The following TYW1B variants were observed in gnomAD, a reference collection of about 807,000 sequenced individuals.
TYW1B encodes tRNA-yW synthesizing protein 1 homolog B.
In TYW1B, 73 loss-of-function variants were observed where a neutral mutation model predicts 86.9. The observed-to-expected ratio is 0.84, with a 90% CI of 0.70 to 1.02. TYW1B has a LOEUF of 1.02. Among genes scored for constraint, TYW1B ranks in the 50% least tolerant of loss-of-function variants. The pLI, the probability that TYW1B is intolerant of heterozygous loss-of-function variation, is 0.00. For synonymous variants in TYW1B, 248 were observed against 292.8 expected (o/e 0.85, Z 1.56); for missense variants, 637 against 827.4 (o/e 0.77, Z 2.82).
intron 6 of TYW1B, among the ~76,000 whole-genome samples, chr7:72,779,901 A>C (rs1788022120): frequency 6.6e-6 from 1 of 151,246 alleles, no homozygotes; most frequent in African/African-American, 2.4e-5. Context: ...TATCTGTCCT[A>C]AAAGTCAGCA....
chr7:72,673,212 G>A lies in TYW1B; in HGVS notation c.1506+21475C>T, dbSNP rs145304490. On this transcript the variant is annotated intron_variant, in intron 11 of 13. Transcript: ENST00000620995. ...AAATAACTACAGGTTTTGAAGTAAG[G>A]CATTAGAGAAGTTTATATACTACAT... 6.0e-3 allele frequency among the ~76,000 whole-genome samples: 908 copies of A among 152,228 alleles called. 8 individuals are homozygous for A. Among genetic ancestry groups the A allele is most frequent in the African/African-American group, 0.021 (863 of 41,532 alleles).
At chr7:72,791,468 G>A (rs1197200255) in intron 6 of TYW1B, among the ~76,000 whole-genome samples, 3 of 151,940 alleles carry the variant, frequency 2.0e-5, no homozygotes, top group Non-Finnish European at 4.4e-5. Flanking sequence ...AGGACAATGG[G>A]AGCCTTGGAC....
At chr7:72,669,621 G>T (rs1483875918) in intron 11 of TYW1B, among the ~76,000 whole-genome samples, 2 of 151,912 alleles carry the variant, frequency 1.3e-5, no homozygotes, top group African/African-American at 4.8e-5. Context: ...AATCAGCCAG[G>T]CATGGTGGCA....
At chr7:72,711,829 C>T (rs1352653025) in intron 10 of TYW1B, among the ~76,000 whole-genome samples, 2 of 144,268 alleles carry the variant, frequency 1.4e-5, no homozygotes, top group African/African-American at 5.2e-5. Flanking sequence ...CCAGTGTTTA[C>T]GAAACAAACT....
At chr7:72,738,939 G>C (rs556080235) in intron 8 of TYW1B, among the ~76,000 whole-genome samples, 197 of 151,904 alleles carry the variant, frequency 1.3e-3, no homozygotes, top group African/African-American at 4.3e-3. Context: ...ATAATAAACT[G>C]GATAGGCATT....
At chr7:72,591,781 A>AT (rs1811400987) in intron 13 of TYW1B, among the ~76,000 whole-genome samples, 1 of 152,030 alleles carries the variant, frequency 6.6e-6, no homozygotes, top group Non-Finnish European at 1.5e-5. Flanking sequence ...TATAAAATTG[A>AT]TTGTTATAGC....
chr7:72,799,873 G>A (rs1258700365), intron 6 of TYW1B, among the ~76,000 whole-genome samples: 3 of 151,988 alleles, frequency 2.0e-5, no homozygotes, highest in African/African-American at 7.2e-5. Context: ...TTTTCCTTAT[G>A]GCCATATAAA....
intron 10 of TYW1B, among the ~76,000 whole-genome samples, chr7:72,702,491 G>C (rs1332393506): frequency 6.6e-6 from 1 of 152,096 alleles, no homozygotes; most frequent in Admixed American, 6.5e-5. Flanking sequence ...GGGTTCAAGC[G>C]ATTCTCTTGC....
In TYW1B at chr7:72,598,118, C is replaced by T. The variant is rs145497253; in HGVS notation, c.1785+18554G>A. Among the ~76,000 whole-genome samples, 609 of 152,238 alleles carry T rather than the reference C, an allele frequency of 4.0e-3. 5 individuals carry two copies. Among genetic ancestry groups the T allele is most frequent in the African/African-American group, 0.014 (576 of 41,540 alleles). Reference sequence around the variant, plus strand: ...AGAGATTAACATTTGAGTCAGTGGGCTGGGGAAGGCAGACCCACCCTTAAT... The same window carrying T: ...AGAGATTAACATTTGAGTCAGTGGGTTGGGGAAGGCAGACCCACCCTTAAT... On this transcript the variant is annotated intron_variant, in intron 13 of 13. Coordinates refer to ENST00000620995, the MANE Select transcript of TYW1B (RefSeq NM_001145440.3).
Position 72,575,300 on chromosome 7 carries a change from A to C in TYW1B, c.*198T>G. On this transcript the variant is annotated 3_prime_UTR_variant, in exon 14 of 14. Transcript: ENST00000620995. ...AAATCAGGAAAGGGGCTGAGTTCTG[A>C]AAAGAAACATCGGGGCTGTGGCCCA... 1.4e-6 allele frequency: 2 copies of C among 1,413,256 alleles called. No homozygotes were observed. The highest frequency in any genetic ancestry group is 3.3e-5 in the South Asian group (2 of 60,592). The allele number at this position is 1,413,256 out of a possible 1,614,324, so 87.5% of individuals were successfully genotyped here.
At chr7:72,753,114 G>T (rs975921552) in intron 7 of TYW1B, among the ~76,000 whole-genome samples, 1 of 150,240 alleles carries the variant, frequency 6.7e-6, no homozygotes, top group East Asian at 1.9e-4. Context: ...ATTCTTGGTT[G>T]ATTAAAAAAA....
intron 5 of TYW1B, among the ~76,000 whole-genome samples, chr7:72,804,045 G>A (rs1270371622): frequency 1.3e-5 from 2 of 151,946 alleles, no homozygotes; most frequent in South Asian, 2.1e-4. Flanking sequence ...AGCACTTTGG[G>A]AGGCCGAGGC....
At chr7:72,655,772 G>A (rs1554443527) in intron 11 of TYW1B, among the ~76,000 whole-genome samples, 3 of 152,150 alleles carry the variant, frequency 2.0e-5, no homozygotes, top group African/African-American at 4.8e-5. Flanking sequence ...CCCTGAAAAC[G>A]TGGTTTCTCT....
chr7:72,820,064 C>G (rs1301483786), intron 2 of TYW1B, among the ~76,000 whole-genome samples: 2 of 152,082 alleles, frequency 1.3e-5, no homozygotes, highest in Non-Finnish European at 2.9e-5. Flanking sequence ...TACCTGAGGT[C>G]AGGAGTTTGC....
chr7:72,716,650 T>TGTTGTG (rs1473263448), intron 9 of TYW1B, among the ~76,000 whole-genome samples: 1 of 151,702 alleles, frequency 6.6e-6, no homozygotes, highest in African/African-American at 2.4e-5. Context: ...TTGTTGTTGT[T>TGTTGTG]GTTTTTGAGA....
chr7:72,716,145 G>C (rs1432795352), intron 9 of TYW1B, among the ~76,000 whole-genome samples: 7 of 152,142 alleles, frequency 4.6e-5, no homozygotes, highest in Non-Finnish European at 8.8e-5. Context: ...CACCATGTTG[G>C]CCAGGATGGT....
intron 6 of TYW1B, among the ~76,000 whole-genome samples, chr7:72,791,011 C>T (rs1365872241): frequency 6.6e-6 from 1 of 152,178 alleles, no homozygotes; most frequent in Admixed American, 6.6e-5. Context: ...ACCAGTGGCC[C>T]AGGTGATTTT....
chr7:72,602,135 T>C (rs1335426487), intron 13 of TYW1B, among the ~76,000 whole-genome samples: 2 of 152,180 alleles, frequency 1.3e-5, no homozygotes, highest in African/African-American at 2.4e-5. Context: ...TGAAATAATC[T>C]TGCTGAAGGG....
Position 72,575,364 on chromosome 7 carries a change from G to A in TYW1B, c.*134C>T. On this transcript the variant is annotated 3_prime_UTR_variant, in exon 14 of 14. Transcript: ENST00000620995. Reference sequence around the variant, plus strand: ...TGGACGCTGTCCCCCGTGTCTCCATGTTTACTGCCTTATCGTCTCCTTTGT... The same window carrying A: ...TGGACGCTGTCCCCCGTGTCTCCATATTTACTGCCTTATCGTCTCCTTTGT... 1 of 1,452,176 alleles carries A rather than the reference G, an allele frequency of 6.9e-7. No individual in the cohort carries two copies. Among genetic ancestry groups the A allele is most frequent in the Non-Finnish European group, 9.1e-7 (1 of 1,102,110 alleles). The allele number at this position is 1,452,176 out of a possible 1,614,324, so 90.0% of individuals were successfully genotyped here.
Sources: allele counts gnomAD v4.1 joint callset (sites outside exome capture counted in the v4.1 genomes callset), GRCh38; gene constraint gnomAD v4.1.1; transcripts MANE v1.5; gene names NCBI Gene and HGNC (gene_info 2026-07-23, HGNC 2026-07-21).